The following SENP7 variants were observed in gnomAD, a reference collection of about 807,000 sequenced individuals.
The protein encoded by SENP7 is SUMO specific peptidase 7.
Under a neutral mutation model 141.2 loss-of-function variants are expected in SENP7, and 64 were observed. That is an observed-to-expected ratio of 0.45 (90% CI 0.37 to 0.56). The LOEUF is 0.56. Among genes scored for constraint, SENP7 ranks in the 20% least tolerant of loss-of-function variants. SENP7 has a pLI of 0.00. For missense variants in SENP7, 1,025 were observed against 1,212.2 expected (o/e 0.85, Z 2.29); for synonymous variants, 382 against 426.4 (o/e 0.90, Z 1.28).
At chr3:101,374,112 G>A (rs572808349) in intron 6 of SENP7, among the ~76,000 whole-genome samples, 7 of 151,956 alleles carry the variant, frequency 4.6e-5, no homozygotes, top group Non-Finnish European at 7.4e-5. Context: ...GAGACATATC[G>A]ACCATAGAAA....
chr3:101,508,807 A>C (rs2108209705), intron 1 of SENP7, among the ~76,000 whole-genome samples: 1 of 152,254 alleles, frequency 6.6e-6, no homozygotes, highest in South Asian at 2.1e-4. Context: ...GCTTGGCACT[A>C]CTAAGTCACA....
intron 4 of SENP7, among the ~76,000 whole-genome samples, chr3:101,431,014 T>C (rs977626478): frequency 2.6e-5 from 4 of 152,214 alleles, no homozygotes; most frequent in African/African-American, 4.8e-5. Context: ...TAATCCTGAG[T>C]TCTAATTTGA....
intron 3 of SENP7, among the ~76,000 whole-genome samples, chr3:101,461,232 T>C (rs2063534829): frequency 6.6e-6 from 1 of 152,102 alleles, no homozygotes; most frequent in South Asian, 2.1e-4. Context: ...TGAATCAATA[T>C]TGTTTATCTC....
intron 3 of SENP7, among the ~76,000 whole-genome samples, chr3:101,486,202 A>T (rs1288501806): frequency 6.6e-6 from 1 of 151,938 alleles, no homozygotes; most frequent in African/African-American, 2.4e-5. Context: ...ATAACCAAGG[A>T]AAACTTCCCT....
intron 11 of SENP7, among the ~76,000 whole-genome samples, chr3:101,354,096 TTGCTTA>T (rs2059678004): frequency 6.6e-6 from 1 of 152,080 alleles, no homozygotes; most frequent in Non-Finnish European, 1.5e-5. Flanking sequence ...TTTTTTTTAA[TTGCTTA>T]TATTCTCTCC....
intron 20 of SENP7, among the ~76,000 whole-genome samples, chr3:101,328,949 C>A (rs879844105): frequency 9.2e-5 from 14 of 152,128 alleles, no homozygotes; most frequent in Non-Finnish European, 1.9e-4. Context: ...TTAATTACTT[C>A]CATTCCAAGT....
chr3:101,437,549 G>C (rs960507237), intron 4 of SENP7, among the ~76,000 whole-genome samples: 4 of 151,788 alleles, frequency 2.6e-5, no homozygotes, highest in Non-Finnish European at 5.9e-5. Context: ...TTCTAAAAAA[G>C]AATAAAAAAT....
At chr3:101,440,390 C>T in intron 4 of SENP7, among the ~76,000 whole-genome samples, 1 of 96,934 alleles carries the variant, frequency 1.0e-5, no homozygotes, top group Non-Finnish European at 2.0e-5. Flanking sequence ...CGTTAAGAGT[C>T]ATCACCAATC....
intron 4 of SENP7, among the ~76,000 whole-genome samples, chr3:101,426,520 C>T (rs1437207362): frequency 6.6e-6 from 1 of 151,198 alleles, no homozygotes; most frequent in Non-Finnish European, 1.5e-5. Flanking sequence ...CGCTCTGCTG[C>T]CCAGGATGGA....
intron 6 of SENP7, among the ~76,000 whole-genome samples, chr3:101,395,135 G>C (rs1255258464): frequency 6.6e-6 from 1 of 152,138 alleles, no homozygotes; most frequent in African/African-American, 2.4e-5. Flanking sequence ...CTCCTTAGCT[G>C]TGCAGAAGCC....
chr3:101,456,165 AT>A (rs2063345784), intron 4 of SENP7, among the ~76,000 whole-genome samples: 2 of 56,214 alleles, frequency 3.6e-5, no homozygotes, highest in South Asian at 1.2e-3. Flanking sequence ...TATAAAAGAC[AT>A]ATATATGTGT....
intron 2 of SENP7, among the ~76,000 whole-genome samples, chr3:101,497,213 TATAG>T (rs1277920576): frequency 1.3e-5 from 2 of 152,170 alleles, no homozygotes; most frequent in Non-Finnish European, 2.9e-5. Context: ...TTTATAGATA[TATAG>T]ATAGAGATAC....
At chr3:101,453,728 A>AG (rs2063243660) in intron 4 of SENP7, among the ~76,000 whole-genome samples, 1 of 144,160 alleles carries the variant, frequency 6.9e-6, no homozygotes, top group South Asian at 2.5e-4. Context: ...GGGTGGGGGC[A>AG]GGGGGGAGGA....
At chr3:101,382,690 A>G (rs1308897612) in intron 6 of SENP7, among the ~76,000 whole-genome samples, 2 of 152,234 alleles carry the variant, frequency 1.3e-5, no homozygotes, top group Non-Finnish European at 2.9e-5. Flanking sequence ...CAATTAGGAA[A>G]GTAATCTACA....
At chr3:101,450,682 C>A (rs917743680) in intron 4 of SENP7, among the ~76,000 whole-genome samples, 1 of 152,196 alleles carries the variant, frequency 6.6e-6, no homozygotes, top group Admixed American at 6.5e-5. Context: ...AAAGACACAA[C>A]ACACCAGAAT....
rs1008828668 is a variant in SENP7 at position 101,339,077 on chromosome 3, A to C, written c.2357+1018T>G. 3.9e-5 allele frequency among the ~76,000 whole-genome samples: 6 copies of C among 152,354 alleles called. No individual in the cohort carries two copies. In the East Asian group the frequency reaches 1.2e-3, roughly 29 times the overall value. On this transcript the variant is annotated intron_variant, in intron 16 of 23. Transcript: ENST00000394095. ...AATTAGCAGAAAATAATATTAAAACAATTATAACTGTATTCCATATGTTCA... is the reference window on the plus strand; with the variant it reads ...AATTAGCAGAAAATAATATTAAAACCATTATAACTGTATTCCATATGTTCA...
At chr3:101,426,148 A>G (rs2107690598) in intron 4 of SENP7, among the ~76,000 whole-genome samples, 1 of 152,252 alleles carries the variant, frequency 6.6e-6, no homozygotes, top group South Asian at 2.1e-4. Context: ...TCCCCAACCT[A>G]TCATTCATGA....
At chr3:101,378,431 C>T (rs939359522) in intron 6 of SENP7, among the ~76,000 whole-genome samples, 9 of 151,738 alleles carry the variant, frequency 5.9e-5, no homozygotes, top group Admixed American at 4.6e-4. Context: ...GATGGGCTCA[C>T]TAGTAGACAG....
intron 4 of SENP7, chr3:101,457,829 A>G (rs2063408273): frequency 1.8e-6 from 1 of 569,232 alleles, no homozygotes; most frequent in Non-Finnish European, 3.1e-6. Context: ...GCGGAGATGC[A>G]AGACGGCAGC....
Sources: allele counts gnomAD v4.1 joint callset (sites outside exome capture counted in the v4.1 genomes callset), GRCh38; gene constraint gnomAD v4.1.1; transcripts MANE v1.5; gene names NCBI Gene and HGNC (gene_info 2026-07-23, HGNC 2026-07-21).